BLM: variants seen among roughly 807,000 people sequenced by gnomAD.
BLM encodes BLM RecQ like helicase.
In BLM, 95 loss-of-function variants were observed where a neutral mutation model predicts 135.3. That is an observed-to-expected ratio of 0.70 (90% CI 0.59 to 0.83). The LOEUF is 0.83. Among genes scored for constraint, BLM ranks in the 40% least tolerant of loss-of-function variants. The pLI is 0.00. For missense variants in BLM, 1,518 were observed against 1,663.9 expected, an observed-to-expected ratio of 0.91 and a Z score of 1.53; for synonymous variants, 520 against 589.2, an observed-to-expected ratio of 0.88 and a Z score of 1.70.
At chr15:90,790,371 T>TA (rs2151184221) in intron 14 of BLM, 1 of 448,128 alleles carries the variant, frequency 2.2e-6, no homozygotes, top group Non-Finnish European at 4.1e-6. Flanking sequence ...CTGCAGTTGA[T>TA]TCTGGCTCTC....
chr15:90,761,627 C>T (rs776538848), intron 7 of BLM, among the ~76,000 whole-genome samples: 9 of 152,118 alleles, frequency 5.9e-5, no homozygotes, highest in Admixed American at 2.0e-4. Flanking sequence ...TTTTAGAATT[C>T]TGTACTGATG....
At chr15:90,801,774 G>A (rs925502978) in intron 17 of BLM, among the ~76,000 whole-genome samples, 1 of 152,186 alleles carries the variant, frequency 6.6e-6, no homozygotes, top group Non-Finnish European at 1.5e-5. Context: ...AAACCTTTCT[G>A]TCTGGGTACA....
chr15:90,774,517 C>G (rs990715798), intron 12 of BLM, among the ~76,000 whole-genome samples: 3 of 151,862 alleles, frequency 2.0e-5, no homozygotes, highest in Non-Finnish European at 4.4e-5. Context: ...AGTGAAAATT[C>G]AGGGCTGAAG....
chr15:90,801,086 T>C (rs1596265599), intron 17 of BLM, among the ~76,000 whole-genome samples: 1 of 151,644 alleles, frequency 6.6e-6, no homozygotes, highest in Non-Finnish European at 1.5e-5. Flanking sequence ...GAGGCGGAGG[T>C]TGCAGTGAGC....
chr15:90,760,075 G>A (rs1895927092), intron 5 of BLM, 72 bp from the exon 6 acceptor site: 1 of 1,433,744 alleles, frequency 7.0e-7, no homozygotes, highest in Non-Finnish European at 9.6e-7. Flanking sequence ...ACAGTCATGA[G>A]CCACCATGCC....
chr15:90,739,629 T>C (rs957051970), intron 1 of BLM, among the ~76,000 whole-genome samples: 9 of 152,248 alleles, frequency 5.9e-5, no homozygotes, highest in African/African-American at 2.2e-4. Context: ...ACTGTATGAT[T>C]CCACTTACAG....
intron 13 of BLM, among the ~76,000 whole-genome samples, chr15:90,783,934 A>G (rs1896678562): frequency 6.6e-6 from 1 of 152,154 alleles, no homozygotes; most frequent in Non-Finnish European, 1.5e-5. Flanking sequence ...AGAAGAAACA[A>G]AAGACAAACA....
chr15:90,720,131 T>C (rs1017685708), intron 1 of BLM, among the ~76,000 whole-genome samples: 2 of 152,222 alleles, frequency 1.3e-5, no homozygotes, highest in Admixed American at 6.5e-5. Flanking sequence ...GTCAGACTTA[T>C]CTCGTTGCAT....
In BLM at chr15:90,798,338, G is replaced by T. The variant is rs1214154774; in HGVS notation, c.3358+1G>T. On this transcript the variant is annotated splice_donor_variant, in intron 17 of 21. Coordinates refer to ENST00000355112, the MANE Select transcript of BLM (RefSeq NM_000057.4). LOFTEE classifies it high-confidence loss of function. ...AATATGCTGGTCGACATTTTCTTGG[G>T]TAAGTCATCTGTTTTGAATGTTTGA... 6.2e-7 allele frequency: 1 copy of T among 1,612,472 alleles called. No individual in the cohort carries two copies. The highest frequency in any genetic ancestry group is 1.1e-5 in the South Asian group (1 of 90,896).
At chr15:90,748,437 C>T (rs1164413984) in intron 2 of BLM, among the ~76,000 whole-genome samples, 4 of 152,106 alleles carry the variant, frequency 2.6e-5, no homozygotes, top group Admixed American at 1.3e-4. Flanking sequence ...TATATACTTT[C>T]GAAGAACAGT....
At chr15:90,758,237 C>G (rs1033437598) in intron 5 of BLM, among the ~76,000 whole-genome samples, 2 of 151,970 alleles carry the variant, frequency 1.3e-5, no homozygotes, top group African/African-American at 4.8e-5. Flanking sequence ...CCTGTAATCC[C>G]AGCACTTTGG....
At chr15:90,763,265 G>A in intron 8 of BLM, 108 bp downstream of exon 8, 1 of 1,201,044 alleles carries the variant, frequency 8.3e-7, no homozygotes, top group South Asian at 1.2e-5. Context: ...ATCATTTAGG[G>A]ACCTCTTAAA....
chr15:90,772,266 C>T (rs1896342164), intron 12 of BLM, among the ~76,000 whole-genome samples: 1 of 152,266 alleles, frequency 6.6e-6, no homozygotes, highest in South Asian at 2.1e-4. Context: ...CTGCTCTCCT[C>T]CCGCCAGTCT....
chr15:90,740,195 C>T (rs1895328504), intron 1 of BLM, among the ~76,000 whole-genome samples: 1 of 152,156 alleles, frequency 6.6e-6, no homozygotes, highest in South Asian at 2.1e-4. Flanking sequence ...TTTTCATCAG[C>T]CCACAGAGAA....
At chr15:90,811,032 G>A (rs1231029476) in intron 20 of BLM, among the ~76,000 whole-genome samples, 173 bp from the exon 21 acceptor site, 1 of 152,036 alleles carries the variant, frequency 6.6e-6, no homozygotes, top group Non-Finnish European at 1.5e-5. Flanking sequence ...AACACTTTGG[G>A]GCTTTGTGCA....
intron 17 of BLM, among the ~76,000 whole-genome samples, chr15:90,802,183 C>A (rs1437824536): frequency 2.0e-5 from 3 of 152,160 alleles, no homozygotes; most frequent in Non-Finnish European, 2.9e-5. Flanking sequence ...TTCAGGGATA[C>A]AAATTACTTA....
At chr15:90,745,879 C>T (rs551478829) in intron 1 of BLM, among the ~76,000 whole-genome samples, 48 of 152,162 alleles carry the variant, frequency 3.2e-4, no homozygotes, top group African/African-American at 1.0e-3. Context: ...AGTTCGAGAC[C>T]AGCCTAGTCA....
In BLM at chr15:90,760,830, T is replaced by A; in HGVS notation, c.1457T>A (p.Leu486His). Residue 486 changes from leucine to histidine, a missense_variant, in exon 7 of 22, where the codon CTT (leucine) becomes CAT (histidine). This residue lies in a region of BLM where 724 missense variants were observed against 756.9 expected (regional missense o/e 0.96). Coordinates refer to ENST00000355112, the MANE Select transcript of BLM (RefSeq NM_000057.4). Reference protein sequence around the residue: ...KTGFSATRKNLFERPLFNTHL... With the variant: ...KTGFSATRKNHFERPLFNTHL... Reference sequence around the variant, plus strand: ...GGATTCTCTGCCACCAGGAAGAATCTTTTTGAAAGGCCTTTATTCAATACC... The same window carrying A: ...GGATTCTCTGCCACCAGGAAGAATCATTTTGAAAGGCCTTTATTCAATACC... The A allele has an allele frequency of 6.2e-7, 1 of 1,614,152 alleles. No individual in the cohort carries two copies. The highest frequency in any genetic ancestry group is 8.5e-7 in the Non-Finnish European group (1 of 1,180,040).
chr15:90,790,505 T>A (rs1375473925), intron 14 of BLM, 144 bp from the exon 15 acceptor site: 1 of 759,776 alleles, frequency 1.3e-6, no homozygotes, highest in African/African-American at 1.9e-5. Context: ...TACTAAATAG[T>A]TGGACCAAGT....
Sources: gnomAD v4.1 joint callset for allele counts (sites outside exome capture counted in the v4.1 genomes callset) on GRCh38, gnomAD v4.1.1 for gene constraint, gnomAD v4.1.1 regional missense constraint, MANE v1.5 for transcripts, NCBI Gene and HGNC (gene_info 2026-07-23, HGNC 2026-07-21) for gene names.